The following RAB31 variants were observed in gnomAD, a reference collection of about 807,000 sequenced individuals.
RAB31 encodes ras-related protein Rab-31.
In RAB31, 21 loss-of-function variants were observed where a neutral mutation model predicts 25.6. The ratio of observed to expected loss-of-function variants is 0.82; its 90% CI spans 0.58 to 1.18. The LOEUF is 1.18. Among genes scored for constraint, RAB31 ranks in the 50% most tolerant of loss-of-function variants. The pLI is 0.00. For missense variants in RAB31, 196 were observed against 250.1 expected (o/e 0.78, Z 1.46); for synonymous variants, 87 against 84.0 (o/e 1.04, Z -0.20).
intron 1 of RAB31, among the ~76,000 whole-genome samples, chr18:9,768,259 A>G (rs1045958699): frequency 2.6e-5 from 4 of 152,212 alleles, no homozygotes; most frequent in African/African-American, 9.7e-5. Flanking sequence ...TTCTGGCTCT[A>G]GATCCTTGAG....
chr18:9,839,438 C>G (rs1279212882), intron 5 of RAB31, among the ~76,000 whole-genome samples: 1 of 152,152 alleles, frequency 6.6e-6, no homozygotes, highest in East Asian at 1.9e-4. Flanking sequence ...TGAAGAGTCC[C>G]CACCATGGGC....
At chr18:9,774,813 G>A in intron 1 of RAB31, 1 of 514,542 alleles carries the variant, frequency 1.9e-6, no homozygotes, top group Non-Finnish European at 3.9e-6. Context: ...CAGAGAAAAT[G>A]CTAGAAACAT....
chr18:9,773,404 T>C (rs896615821), intron 1 of RAB31, among the ~76,000 whole-genome samples: 5 of 152,222 alleles, frequency 3.3e-5, no homozygotes, highest in African/African-American at 9.6e-5. Context: ...ATTCTCTCGA[T>C]AAATCACTTG....
chr18:9,855,496 G>A (rs534977533), intron 6 of RAB31, among the ~76,000 whole-genome samples: 38 of 152,206 alleles, frequency 2.5e-4, no homozygotes, highest in African/African-American at 8.7e-4. Context: ...AGAGTTCCAA[G>A]GTGATCACCT....
intron 6 of RAB31, chr18:9,856,398 C>T (rs1360025546): frequency 1.3e-5 from 2 of 152,216 alleles, no homozygotes; most frequent in Non-Finnish European, 2.9e-5. Flanking sequence ...TATCTGTACG[C>T]TCTTCCTTTC....
intron 2 of RAB31, among the ~76,000 whole-genome samples, chr18:9,781,626 C>T (rs2068405315): frequency 1.3e-5 from 2 of 152,306 alleles, no homozygotes; most frequent in Middle Eastern, 3.4e-3. Context: ...CTTTCTACCT[C>T]GTCCCTTGCT....
intron 1 of RAB31, among the ~76,000 whole-genome samples, chr18:9,767,417 A>G (rs1018162052): frequency 2.0e-5 from 3 of 152,336 alleles, no homozygotes; most frequent in Admixed American, 6.5e-5. Flanking sequence ...CAAACACCTC[A>G]CCACCTGAAG....
At chr18:9,852,423 A>G (rs930812826) in intron 6 of RAB31, among the ~76,000 whole-genome samples, 2 of 152,228 alleles carry the variant, frequency 1.3e-5, no homozygotes, top group Non-Finnish European at 2.9e-5. Flanking sequence ...TTACATCAGA[A>G]TGGAAATAAT....
intron 1 of RAB31, among the ~76,000 whole-genome samples, chr18:9,719,820 G>A (rs2068065511): frequency 6.6e-6 from 1 of 152,168 alleles, no homozygotes; most frequent in South Asian, 2.1e-4. Context: ...CGCTTTTACA[G>A]GAAAGTGTTT....
In RAB31 at chr18:9,791,279, A is replaced by G. The variant is rs943059650; in HGVS notation, c.120-875A>G. On this transcript the variant is annotated intron_variant, in intron 2 of 6. Transcript: ENST00000578921. ...ATTACATGCCAACATACCAGCTGCT[A>G]TTTTCACTCTTAATTATTGTAATAA... Among the ~76,000 whole-genome samples the G allele has an allele frequency of 6.0e-5, 9 of 148,836 alleles. No individual in the cohort carries two copies. In the East Asian group the frequency reaches 1.6e-3, roughly 26 times the overall value.
chr18:9,800,780 G>GC (rs5823071), intron 3 of RAB31, among the ~76,000 whole-genome samples: 34,669 of 151,950 alleles, frequency 0.23, 4,074 homozygotes, highest in South Asian at 0.35. Context: ...AGTATGACCA[G>GC]CCCCCCTTTT....
intron 1 of RAB31, among the ~76,000 whole-genome samples, chr18:9,768,102 C>T (rs1033513807): frequency 2.6e-5 from 4 of 152,188 alleles, no homozygotes; most frequent in Non-Finnish European, 5.9e-5. Context: ...GCCACATTTT[C>T]TTTATCAAGT....
intron 1 of RAB31, among the ~76,000 whole-genome samples, chr18:9,755,788 C>T (rs1235148358): frequency 2.6e-5 from 4 of 152,288 alleles, no homozygotes; most frequent in Non-Finnish European, 2.9e-5. Context: ...AAGATGCTAG[C>T]GTGCCTCATC....
At chr18:9,796,215 C>T (rs1010498932) in intron 3 of RAB31, among the ~76,000 whole-genome samples, 1 of 152,116 alleles carries the variant, frequency 6.6e-6, no homozygotes, top group African/African-American at 2.4e-5. Flanking sequence ...CAATGGACTT[C>T]GGTGACTTGC....
At chr18:9,801,927 T>G (rs1379431476) in intron 3 of RAB31, among the ~76,000 whole-genome samples, 2 of 152,234 alleles carry the variant, frequency 1.3e-5, no homozygotes, top group Non-Finnish European at 2.9e-5. Context: ...CACAGTTTAT[T>G]GAAAAGACTA....
chr18:9,760,456 A>G (rs2068282401), intron 1 of RAB31, among the ~76,000 whole-genome samples: 1 of 152,208 alleles, frequency 6.6e-6, no homozygotes, highest in South Asian at 2.1e-4. Context: ...TACAGACCTG[A>G]AGCCACCATG....
intron 5 of RAB31, among the ~76,000 whole-genome samples, chr18:9,819,376 A>G (rs1483745185): frequency 6.6e-6 from 1 of 152,062 alleles, no homozygotes; most frequent in Non-Finnish European, 1.5e-5. Flanking sequence ...AAAGCAGTCA[A>G]CCATAAATGT....
At position 9,861,149 on chromosome 18, in the gene RAB31, T is replaced by C. The variant is rs1282200724; in HGVS notation, c.*1824T>C. On this transcript the variant is annotated 3_prime_UTR_variant, in exon 7 of 7. Coordinates refer to ENST00000578921, the MANE Select transcript of RAB31 (RefSeq NM_006868.4). Reference sequence around the variant, plus strand: ...GAGTTGAAAATTGAAGTGACCTCTTTCCAGCTGAGTTGCAGGCTTATTTTG... The same window carrying C: ...GAGTTGAAAATTGAAGTGACCTCTTCCCAGCTGAGTTGCAGGCTTATTTTG... 2 of 152,048 alleles carry C rather than the reference T, an allele frequency of 1.3e-5. No individual in the cohort carries two copies. Among genetic ancestry groups the C allele is most frequent in the Non-Finnish European group, 2.9e-5 (2 of 68,004 alleles). The allele number at this position is 152,048 out of a possible 1,614,324, so 9.4% of individuals were successfully genotyped here. A position where few individuals can be genotyped will look rare whatever the true frequency, so the allele number is the denominator to read the frequency against.
intron 3 of RAB31, among the ~76,000 whole-genome samples, chr18:9,795,660 A>G (rs1487201998): frequency 6.6e-6 from 1 of 151,916 alleles, no homozygotes; most frequent in East Asian, 1.9e-4. Flanking sequence ...TATCAGGGAA[A>G]TGAAAATCAA....
Sources: allele counts gnomAD v4.1 joint callset (sites outside exome capture counted in the v4.1 genomes callset), GRCh38; gene constraint gnomAD v4.1.1; transcripts MANE v1.5; gene names NCBI Gene and HGNC (gene_info 2026-07-23, HGNC 2026-07-21).